The following GRIK1 variants were observed in gnomAD, a reference collection of about 807,000 sequenced individuals.
The protein encoded by GRIK1 is glutamate receptor ionotropic, kainate 1.
A neutral mutation model predicts 105.7 loss-of-function variants in GRIK1; 69 were observed. The ratio of observed to expected loss-of-function variants is 0.65; its 90% CI spans 0.54 to 0.80. GRIK1 has a LOEUF of 0.80. GRIK1 is among the 30% of genes least tolerant of loss of function. GRIK1 has a pLI of 0.00. For synonymous variants in GRIK1, 438 were observed against 431.3 expected (o/e 1.02, Z -0.19); for missense variants, 1,109 against 1,167.3 (o/e 0.95, Z 0.73).
At chr21:29,782,876 C>T (rs2066161170) in intron 1 of GRIK1, among the ~76,000 whole-genome samples, 1 of 152,152 alleles carries the variant, frequency 6.6e-6, no homozygotes, top group African/African-American at 2.4e-5. Flanking sequence ...GTAAACAATG[C>T]TGCAATGAAC....
chr21:29,595,422 G>A (rs180715279), intron 9 of GRIK1, among the ~76,000 whole-genome samples: 118 of 150,150 alleles, frequency 7.9e-4, no homozygotes, highest in African/African-American at 2.6e-3. Context: ...AAACCAGATC[G>A]CCTTCTACAT....
intron 14 of GRIK1, among the ~76,000 whole-genome samples, chr21:29,565,074 A>G (rs2090581062): frequency 6.6e-6 from 1 of 152,202 alleles, no homozygotes. Context: ...TTGAGCAGGG[A>G]GGGCAGAACT....
intron 1 of GRIK1, among the ~76,000 whole-genome samples, chr21:29,811,709 C>G (rs2067013746): frequency 1.3e-5 from 2 of 152,230 alleles, no homozygotes; most frequent in South Asian, 4.1e-4. Flanking sequence ...TCAAAATCCT[C>G]CCGTGACTTC....
intron 1 of GRIK1, among the ~76,000 whole-genome samples, chr21:29,915,483 A>C (rs758895416): frequency 6.6e-6 from 1 of 152,034 alleles, no homozygotes; most frequent in Non-Finnish European, 1.5e-5. Context: ...ATTTTCACAT[A>C]TACTGCCCTG....
intron 1 of GRIK1, among the ~76,000 whole-genome samples, chr21:29,906,819 T>C (rs1358946282): frequency 6.6e-6 from 1 of 152,142 alleles, no homozygotes; most frequent in African/African-American, 2.4e-5. Context: ...TTTACTCCAT[T>C]TTAGTAAATT....
At chr21:29,832,209 C>T (rs1010721041) in intron 1 of GRIK1, among the ~76,000 whole-genome samples, 2 of 152,138 alleles carry the variant, frequency 1.3e-5, no homozygotes, top group Non-Finnish European at 2.9e-5. Flanking sequence ...AGGGTGCATC[C>T]CCCTCAGCTG....
intron 1 of GRIK1, among the ~76,000 whole-genome samples, chr21:29,902,751 T>A (rs1472632771): frequency 1.3e-5 from 2 of 152,116 alleles, no homozygotes; most frequent in Non-Finnish European, 2.9e-5. Context: ...GCTATCCCCA[T>A]CAAGCTACCA....
At chr21:29,906,331 A>C (rs969841601) in intron 1 of GRIK1, among the ~76,000 whole-genome samples, 14 of 152,348 alleles carry the variant, frequency 9.2e-5, no homozygotes, top group African/African-American at 3.4e-4. Flanking sequence ...TTACAGATCC[A>C]GTTAAATGTT....
At chr21:29,688,027 A>T (rs1420275243) in intron 3 of GRIK1, among the ~76,000 whole-genome samples, 3 of 152,192 alleles carry the variant, frequency 2.0e-5, no homozygotes, top group African/African-American at 7.2e-5. Flanking sequence ...GCAAGATCTA[A>T]CCACACTTAT....
chr21:29,928,661 A>C (rs2071464721), intron 1 of GRIK1, among the ~76,000 whole-genome samples: 1 of 152,192 alleles, frequency 6.6e-6, no homozygotes, highest in Non-Finnish European at 1.5e-5. Context: ...GCACCAGCTA[A>C]GTGAGAGACC....
At chr21:29,868,353 C>T (rs1012417742) in intron 1 of GRIK1, among the ~76,000 whole-genome samples, 5 of 152,140 alleles carry the variant, frequency 3.3e-5, no homozygotes, top group African/African-American at 1.2e-4. Context: ...ATGCACTTAC[C>T]TTAGAAACTG....
intron 7 of GRIK1, among the ~76,000 whole-genome samples, chr21:29,635,651 G>C (rs1283643279): frequency 6.6e-6 from 1 of 152,214 alleles, no homozygotes; most frequent in South Asian, 2.1e-4. Context: ...GGCTGACAGG[G>C]AGAAGTTGGT....
At chr21:29,759,373 C>T (rs1252731674) in intron 1 of GRIK1, among the ~76,000 whole-genome samples, 2 of 152,166 alleles carry the variant, frequency 1.3e-5, no homozygotes. Context: ...CCGCCTCGGC[C>T]TCCTAAAGTG....
intron 7 of GRIK1, among the ~76,000 whole-genome samples, chr21:29,633,998 A>T (rs75548123): frequency 0.019 from 2,842 of 152,290 alleles, 97 homozygotes; most frequent in African/African-American, 0.065. Context: ...GGGAAGTGTT[A>T]CTCAGTGAAG....
At chr21:29,867,532 T>C (rs1226263581) in intron 1 of GRIK1, among the ~76,000 whole-genome samples, 1 of 151,982 alleles carries the variant, frequency 6.6e-6, no homozygotes, top group African/African-American at 2.4e-5. Flanking sequence ...CGGTGGCTCA[T>C]GCCTGTAATC....
At chr21:29,673,795 T>C (rs1019314508) in intron 3 of GRIK1, among the ~76,000 whole-genome samples, 1 of 152,178 alleles carries the variant, frequency 6.6e-6, no homozygotes, top group Non-Finnish European at 1.5e-5. Context: ...GAAATTAAGA[T>C]CATAAAAGCA....
At chr21:29,855,906 G>T (rs2068448460) in intron 1 of GRIK1, among the ~76,000 whole-genome samples, 1 of 152,122 alleles carries the variant, frequency 6.6e-6, no homozygotes, top group Non-Finnish European at 1.5e-5. Flanking sequence ...ATCTCCTAAA[G>T]TTTTGGCTTG....
At chr21:29,783,321 T>C (rs2066174495) in intron 1 of GRIK1, among the ~76,000 whole-genome samples, 1 of 152,272 alleles carries the variant, frequency 6.6e-6, no homozygotes, top group Non-Finnish European at 1.5e-5. Flanking sequence ...TCCCATTTTC[T>C]AGTACTTAGT....
At chr21:29,853,470 T>G (rs1228437709) in intron 1 of GRIK1, among the ~76,000 whole-genome samples, 3 of 152,216 alleles carry the variant, frequency 2.0e-5, no homozygotes, top group Admixed American at 2.0e-4. Context: ...GCCAAGTATC[T>G]CTTAGTACTC....
Sources: gnomAD v4.1 joint callset for allele counts (sites outside exome capture counted in the v4.1 genomes callset) on GRCh38, gnomAD v4.1.1 for gene constraint, MANE v1.5 for transcripts, NCBI Gene and HGNC (gene_info 2026-07-23, HGNC 2026-07-21) for gene names.